MYL12B: variants seen among roughly 807,000 people sequenced by gnomAD.
MYL12B encodes the protein myosin light chain 12B, also known as myosin regulatory light chain 12B.
A neutral mutation model predicts 12.9 loss-of-function variants in MYL12B; 3 were observed. That is an observed-to-expected ratio of 0.23 (90% CI 0.11 to 0.60). MYL12B has a LOEUF of 0.60. Ranked by LOEUF, MYL12B falls within the 20% of genes least tolerant of loss-of-function variation. MYL12B has a pLI of 0.89. For missense variants in MYL12B, 120 were observed against 215.4 expected, an observed-to-expected ratio of 0.56 and a Z score of 2.77; for synonymous variants, 57 against 71.9, an observed-to-expected ratio of 0.79 and a Z score of 1.05.
intron 1 of MYL12B, among the ~76,000 whole-genome samples, chr18:3,264,874 G>A (rs1387389338): frequency 6.6e-6 from 1 of 152,172 alleles, no homozygotes; most frequent in Non-Finnish European, 1.5e-5. Flanking sequence ...GTTAACATTT[G>A]TAACTTAATG....
At chr18:3,263,247 A>C (rs934775879) in intron 1 of MYL12B, 1 of 152,266 alleles carries the variant, frequency 6.6e-6, no homozygotes, top group East Asian at 1.9e-4. Context: ...GTAATAAGAA[A>C]GGGATGTTTA....
intron 2 of MYL12B, chr18:3,276,543 A>G: frequency 1.0e-6 from 1 of 985,316 alleles, no homozygotes; most frequent in Non-Finnish European, 1.2e-6. Context: ...CAGTGTTTGA[A>G]GATATCTAAC....
At chr18:3,274,520 A>T (rs191741807) in intron 2 of MYL12B, among the ~76,000 whole-genome samples, 2 of 152,262 alleles carry the variant, frequency 1.3e-5, no homozygotes, top group Non-Finnish European at 1.5e-5. Flanking sequence ...TGGTAGAAGA[A>T]GATTTATAGA....
intron 2 of MYL12B, 52 bp from the exon 3 acceptor site, chr18:3,277,201 T>G: frequency 2.1e-6 from 3 of 1,447,370 alleles, no homozygotes; most frequent in Non-Finnish European, 2.8e-6. Flanking sequence ...GTGAAATAAC[T>G]ATTGAAATTA....
chr18:3,265,689 T>C (rs2081629136), intron 1 of MYL12B, among the ~76,000 whole-genome samples: 1 of 152,206 alleles, frequency 6.6e-6, no homozygotes, highest in Non-Finnish European at 1.5e-5. Context: ...AGCTTTATAC[T>C]ACCAGGTTTT....
chr18:3,271,633 G>A (rs2081679952), intron 1 of MYL12B, among the ~76,000 whole-genome samples: 1 of 152,104 alleles, frequency 6.6e-6, no homozygotes, highest in Admixed American at 6.6e-5. Flanking sequence ...TATTTGCTAA[G>A]ACTCACAGAA....
chr18:3,270,423 A>G (rs1253616531), intron 1 of MYL12B, among the ~76,000 whole-genome samples: 1 of 152,072 alleles, frequency 6.6e-6, no homozygotes, highest in East Asian at 1.9e-4. Context: ...GTTCTCTTCC[A>G]TCAACTTGCC....
chr18:3,271,383 T>G (rs529145659), intron 1 of MYL12B, among the ~76,000 whole-genome samples: 1 of 152,294 alleles, frequency 6.6e-6, no homozygotes, highest in South Asian at 2.1e-4. Context: ...AAGCCAAGCT[T>G]CAAAACACCC....
At chr18:3,276,521 G>T in intron 2 of MYL12B, 1 of 985,154 alleles carries the variant, frequency 1.0e-6, no homozygotes, top group South Asian at 4.7e-5. Flanking sequence ...ACAGTTCAAT[G>T]ACATGTGTAA....
At chr18:3,275,801 T>G (rs2081725561) in intron 2 of MYL12B, among the ~76,000 whole-genome samples, 1 of 152,032 alleles carries the variant, frequency 6.6e-6, no homozygotes, top group South Asian at 2.1e-4. Context: ...TGCAAGTGAG[T>G]TGGGTTAAAT....
intron 2 of MYL12B, 75 bp downstream of exon 2, chr18:3,273,157 A>G: frequency 7.1e-7 from 1 of 1,415,574 alleles, no homozygotes; most frequent in South Asian, 1.6e-5. Context: ...TTTTTGTGCG[A>G]TGTACAAATA....
intron 1 of MYL12B, among the ~76,000 whole-genome samples, chr18:3,271,182 C>G (rs77832714): frequency 0.039 from 5,943 of 152,248 alleles, 385 homozygotes; most frequent in African/African-American, 0.13. Flanking sequence ...AAAACATAAT[C>G]AAATGCCTTG....
chr18:3,276,547 A>G (rs1203167269), intron 2 of MYL12B: 1 of 985,250 alleles, frequency 1.0e-6, no homozygotes, highest in African/African-American at 1.7e-5. Context: ...GTTTGAAGAT[A>G]TCTAACATTG....
chr18:3,263,817 G>A (rs1370710706), intron 1 of MYL12B, among the ~76,000 whole-genome samples: 1 of 152,308 alleles, frequency 6.6e-6, no homozygotes. Context: ...AATTTCAGCT[G>A]CCTGTATGCA....
chr18:3,274,568 G>A (rs148935171), intron 2 of MYL12B, among the ~76,000 whole-genome samples: 2 of 152,328 alleles, frequency 1.3e-5, no homozygotes, highest in African/African-American at 4.8e-5. Flanking sequence ...TTGGAAGTGA[G>A]GTATGGAATG....
intron 1 of MYL12B, among the ~76,000 whole-genome samples, chr18:3,268,325 C>G (rs558555189): frequency 6.6e-5 from 10 of 152,266 alleles, no homozygotes; most frequent in Admixed American, 2.6e-4. Flanking sequence ...TTATTACATT[C>G]ATTTTGTGCT....
intron 1 of MYL12B, chr18:3,272,064 A>C: frequency 4.1e-6 from 4 of 985,272 alleles, no homozygotes; most frequent in Non-Finnish European, 4.8e-6. Context: ...AAGACAGTTC[A>C]GCATTAGACT....
intron 2 of MYL12B, among the ~76,000 whole-genome samples, chr18:3,273,358 GCAGCAAAATAC>G (rs1279307997): frequency 6.6e-6 from 1 of 152,086 alleles, no homozygotes; most frequent in East Asian, 1.9e-4. Context: ...GCATGGCTAG[GCAGCAAAATAC>G]CAGAGTTTCA....
chr18:3,274,632 C>G (rs961807260), intron 2 of MYL12B, among the ~76,000 whole-genome samples: 1 of 152,198 alleles, frequency 6.6e-6, no homozygotes, highest in African/African-American at 2.4e-5. Flanking sequence ...TTTGAACACT[C>G]AGCAGTGTAT....
Sources: allele counts gnomAD v4.1 joint callset (sites outside exome capture counted in the v4.1 genomes callset), GRCh38; gene constraint gnomAD v4.1.1; transcripts MANE v1.5; gene names NCBI Gene and HGNC (gene_info 2026-07-23, HGNC 2026-07-21).